The following TOGARAM1 variants were observed in gnomAD, a reference collection of about 807,000 sequenced individuals.
TOGARAM1 encodes the protein TOG array regulator of axonemal microtubules 1.
In TOGARAM1, 100 loss-of-function variants were observed where a neutral mutation model predicts 166.6. The ratio of observed to expected loss-of-function variants is 0.60; its 90% CI spans 0.51 to 0.71. The LOEUF (loss-of-function observed/expected upper bound fraction) is 0.71. Ranked by LOEUF, TOGARAM1 falls within the 30% of genes least tolerant of loss-of-function variation. TOGARAM1 has a pLI of 0.00. For missense variants in TOGARAM1, 2,029 were observed against 2,102.7 expected, an observed-to-expected ratio of 0.96 and a Z score of 0.69; for synonymous variants, 758 against 763.8, an observed-to-expected ratio of 0.99 and a Z score of 0.13.
chr14:45,041,710 A>C (rs376687028), intron 11 of TOGARAM1, among the ~76,000 whole-genome samples: 2 of 152,240 alleles, frequency 1.3e-5, no homozygotes, highest in South Asian at 2.1e-4. Context: ...GTCTTAGTTA[A>C]TAGCCCTGCC....
At chr14:45,020,195 G>A (rs561936500) in intron 7 of TOGARAM1, among the ~76,000 whole-genome samples, 1 of 152,308 alleles carries the variant, frequency 6.6e-6, no homozygotes, top group South Asian at 2.1e-4. Context: ...CCAGGGTCTG[G>A]TGCTTTGAAG....
chr14:45,060,061 C>T (rs909362301), intron 16 of TOGARAM1, among the ~76,000 whole-genome samples: 3 of 151,224 alleles, frequency 2.0e-5, no homozygotes, highest in South Asian at 4.2e-4. Context: ...TACAGGCACC[C>T]GCCACCACAA....
chr14:45,020,834 G>A (rs1440814022), intron 7 of TOGARAM1, among the ~76,000 whole-genome samples: 1 of 152,128 alleles, frequency 6.6e-6, no homozygotes, highest in East Asian at 1.9e-4. Flanking sequence ...GGAAACAAGA[G>A]GTCCTACTAA....
intron 11 of TOGARAM1, among the ~76,000 whole-genome samples, chr14:45,041,574 A>G (rs1372019997): frequency 6.6e-6 from 1 of 152,206 alleles, no homozygotes; most frequent in Non-Finnish European, 1.5e-5. Flanking sequence ...AAAACCATAC[A>G]AAGACAGGAA....
At chr14:44,970,552 A>T (rs1885827085) in intron 1 of TOGARAM1, among the ~76,000 whole-genome samples, 1 of 151,950 alleles carries the variant, frequency 6.6e-6, no homozygotes, top group Admixed American at 6.6e-5. Flanking sequence ...GTCTTATTGC[A>T]TTAGTTTGAA....
chr14:45,066,677 A>G lies in TOGARAM1; in HGVS notation c.4659A>G (p.Ala1553=). The change falls in exon 17 of 20, where the codon GCA becomes GCG. Residue 1553 remains alanine, a synonymous_variant. Transcript: ENST00000361462. ...YLKLITGLLN[A]KDFRDRINGI... ...AACTCATAACTGGCTTATTAAATGC[A>G]AAAGACTTTCGTGATCGTATTAATG... The G allele has an allele frequency of 6.2e-7, 1 of 1,614,028 alleles. No homozygotes were observed. Among genetic ancestry groups the G allele is most frequent in the East Asian group, 2.2e-5 (1 of 44,872 alleles).
In TOGARAM1 at chr14:45,073,326, C is replaced by T. The variant is rs144451575; in HGVS notation, c.5087C>T (p.Pro1696Leu). 77 of 1,613,184 alleles carry T rather than the reference C, an allele frequency of 4.8e-5. No homozygotes were observed. Among genetic ancestry groups the T allele is most frequent in the Non-Finnish European group, 6.0e-5 (71 of 1,179,680 alleles). The stretch of plus-strand genomic sequence containing the variant: ...GTTACGGAACTTTATCAAAGGAAGC[C>T]GCATGCCACAGAGCAGAAAGTGTTG... ...DIVTELYQRKPHATEQKVLVV... is the reference protein window; with the variant it reads ...DIVTELYQRKLHATEQKVLVV... The change falls in exon 20 of 20, where the codon CCG (proline) becomes CTG (leucine). Residue 1696 changes from proline (P) to leucine (L), a missense_variant. Around this residue, in one of 2 missense-constraint regions of TOGARAM1, gnomAD observed 576 missense variants for 670.5 expected, o/e 0.86. Transcript: ENST00000361462.
At chr14:44,969,072 A>T (rs1885719863) in intron 1 of TOGARAM1, among the ~76,000 whole-genome samples, 1 of 150,508 alleles carries the variant, frequency 6.6e-6, no homozygotes, top group African/African-American at 2.4e-5. Flanking sequence ...AGTTTCCTTT[A>T]TGTCTTTTCA....
chr14:44,977,231 CTTTTTTTTT>C (rs397707333), intron 1 of TOGARAM1, among the ~76,000 whole-genome samples: 5 of 123,320 alleles, frequency 4.1e-5, no homozygotes, highest in African/African-American at 1.5e-4. Flanking sequence ...ATTAGACAGA[CTTTTTTTTT>C]TTTTTTTTTT....
intron 1 of TOGARAM1, among the ~76,000 whole-genome samples, chr14:44,986,351 A>T (rs944802097): frequency 3.9e-5 from 6 of 152,122 alleles, no homozygotes; most frequent in Non-Finnish European, 7.4e-5. Flanking sequence ...GTGTAGTGGC[A>T]TAATCATAGC....
At chr14:44,969,558 C>T (rs1885769378) in intron 1 of TOGARAM1, among the ~76,000 whole-genome samples, 1 of 152,126 alleles carries the variant, frequency 6.6e-6, no homozygotes, top group South Asian at 2.1e-4. Context: ...TTAATAAAGT[C>T]CAGTTAATCA....
At chr14:45,070,871 GA>G (rs898904095) in intron 18 of TOGARAM1, among the ~76,000 whole-genome samples, 1 of 152,086 alleles carries the variant, frequency 6.6e-6, no homozygotes, top group African/African-American at 2.4e-5. Context: ...TAAAACTTAA[GA>G]AAAAAATTCA....
intron 7 of TOGARAM1, among the ~76,000 whole-genome samples, chr14:45,014,529 G>C (rs979256038): frequency 1.5e-4 from 23 of 152,178 alleles, no homozygotes; most frequent in African/African-American, 5.5e-4. Flanking sequence ...ATTTGGGTTT[G>C]CTTTGTTTTC....
chr14:45,006,427 G>A, intron 5 of TOGARAM1, 160 bp downstream of exon 5: 1 of 561,496 alleles, frequency 1.8e-6, no homozygotes, highest in Non-Finnish European at 3.0e-6. Flanking sequence ...TTAGTAGGAA[G>A]GGAATTTATC....
At chr14:45,012,899 A>G (rs1479051063) in intron 7 of TOGARAM1, among the ~76,000 whole-genome samples, 2 of 152,074 alleles carry the variant, frequency 1.3e-5, no homozygotes, top group Admixed American at 1.3e-4. Flanking sequence ...ACTTTTCCTC[A>G]TTTATTACCT....
chr14:45,007,240 C>A (rs1382894364), intron 5 of TOGARAM1: 1 of 151,306 alleles, frequency 6.6e-6, no homozygotes, highest in African/African-American at 2.4e-5. Context: ...ATGTTAAACA[C>A]ATGTAAAACT....
intron 3 of TOGARAM1, among the ~76,000 whole-genome samples, chr14:45,000,826 C>T (rs565489055): frequency 1.8e-4 from 27 of 152,168 alleles, no homozygotes; most frequent in Admixed American, 3.9e-4. Flanking sequence ...CTCGACCTCC[C>T]GGGCTCAAGT....
At chr14:44,991,823 C>G (rs548608835) in intron 1 of TOGARAM1, among the ~76,000 whole-genome samples, 37 of 151,186 alleles carry the variant, frequency 2.4e-4, no homozygotes, top group Admixed American at 9.2e-4. Context: ...TGAGAAGGGT[C>G]CCAAAGAATA....
chr14:45,002,052 A>G (rs1012233716), intron 3 of TOGARAM1, among the ~76,000 whole-genome samples: 8 of 152,188 alleles, frequency 5.3e-5, no homozygotes, highest in African/African-American at 1.9e-4. Context: ...TTATTTATTT[A>G]TGAAAAAATA....
Sources: allele counts gnomAD v4.1 joint callset (sites outside exome capture counted in the v4.1 genomes callset), GRCh38; gene constraint gnomAD v4.1.1; regional missense constraint gnomAD v4.1.1; transcripts MANE v1.5; gene names NCBI Gene and HGNC (gene_info 2026-07-23, HGNC 2026-07-21).